CBFA2T3: variants seen among roughly 807,000 people sequenced by gnomAD.
CBFA2T3 encodes CBFA2/RUNX1 partner transcriptional co-repressor 3.
A neutral mutation model predicts 58.6 loss-of-function variants in CBFA2T3; 31 were observed. That is an observed-to-expected ratio of 0.53 (90% CI 0.40 to 0.71). The LOEUF (loss-of-function observed/expected upper bound fraction) is 0.71, where lower values mean the gene tolerates loss of function less well. Ranked by LOEUF, CBFA2T3 falls within the 30% of genes least tolerant of loss-of-function variation. The probability of loss-of-function intolerance (pLI) is 0.00; values close to 1 mark genes in which losing one functional copy is unlikely to be tolerated. For missense variants in CBFA2T3, 1,076 were observed against 963.1 expected (o/e 1.12, Z -1.55); for synonymous variants, 531 against 421.9 (o/e 1.26, Z -3.17).
intron 1 of CBFA2T3, chr16:88,941,000 G>T: frequency 1.0e-6 from 1 of 972,844 alleles, no homozygotes; most frequent in South Asian, 4.6e-5. Context: ...GGCGGCGCGC[G>T]GGGCGGACAC....
At chr16:88,921,344 G>A (rs1970912855) in intron 1 of CBFA2T3, among the ~76,000 whole-genome samples, 1 of 152,216 alleles carries the variant, frequency 6.6e-6, no homozygotes, top group East Asian at 1.9e-4. Context: ...GGCGGGGGGA[G>A]CAGGGAAGCC....
chr16:88,976,430 G>A (rs894224657), intron 1 of CBFA2T3, among the ~76,000 whole-genome samples: 1 of 152,176 alleles, frequency 6.6e-6, no homozygotes, highest in African/African-American at 2.4e-5. Context: ...GTGGGGCTGG[G>A]GCACCTGGCT....
At chr16:88,946,882 G>T (rs1371301820) in intron 1 of CBFA2T3, among the ~76,000 whole-genome samples, 1 of 152,102 alleles carries the variant, frequency 6.6e-6, no homozygotes, top group Non-Finnish European at 1.5e-5. Flanking sequence ...GACCTCCCAG[G>T]CTCAAGCGAT....
intron 1 of CBFA2T3, among the ~76,000 whole-genome samples, chr16:88,930,434 T>G (rs976118552): frequency 6.6e-6 from 1 of 151,702 alleles, no homozygotes; most frequent in Non-Finnish European, 1.5e-5. Flanking sequence ...ATAACAACAA[T>G]GGGGGCAACA....
At chr16:88,892,137 C>A in intron 4 of CBFA2T3, 107 bp downstream of exon 4, 1 of 1,456,048 alleles carries the variant, frequency 6.9e-7, no homozygotes, top group Admixed American at 1.8e-5. Flanking sequence ...CGGGTCCACG[C>A]CCGGTTGTCA....
chr16:88,952,297 G>A (rs549736300), intron 1 of CBFA2T3, among the ~76,000 whole-genome samples: 1 of 152,346 alleles, frequency 6.6e-6, no homozygotes, highest in Non-Finnish European at 1.5e-5. Flanking sequence ...GCCACGGGGT[G>A]AGGGAGCTGC....
intron 1 of CBFA2T3, among the ~76,000 whole-genome samples, chr16:88,956,188 C>T (rs1172343217): frequency 6.6e-6 from 1 of 152,262 alleles, no homozygotes; most frequent in East Asian, 1.9e-4. Flanking sequence ...GGCCCCAGCC[C>T]GAGGCCATGT....
chr16:88,914,323 C>T (rs1416544998), intron 1 of CBFA2T3, among the ~76,000 whole-genome samples: 4 of 152,190 alleles, frequency 2.6e-5, no homozygotes, highest in Non-Finnish European at 5.9e-5. Flanking sequence ...GGTCGGAAAA[C>T]GTTTGTCAGG....
chr16:88,931,634 G>A (rs1971307988), intron 1 of CBFA2T3, among the ~76,000 whole-genome samples: 1 of 150,592 alleles, frequency 6.6e-6, no homozygotes, highest in Non-Finnish European at 1.5e-5. Flanking sequence ...GGACGAGCCA[G>A]AGGTGGAGAA....
rs542110295 is a variant in CBFA2T3, at chr16:88,973,772, T to TGGCC, written c.151+2884_151+2885insGGCC. ...AAGGTCGGGTAGAGGGAGCCCAGGC[T>TGGCC]GACCGCAGGCTCTGGACGTGACCCC... On this transcript the variant is annotated intron_variant, in intron 1 of 11. Coordinates refer to ENST00000268679, the MANE Select transcript of CBFA2T3 (RefSeq NM_005187.6). 9.2e-5 allele frequency among the ~76,000 whole-genome samples: 14 copies of TGGCC among 152,284 alleles called. No homozygotes were observed. In the South Asian group the frequency reaches 2.9e-3, roughly 32 times the overall value.
intron 1 of CBFA2T3, among the ~76,000 whole-genome samples, chr16:88,903,242 C>T (rs1182951216): frequency 1.3e-5 from 2 of 152,242 alleles, no homozygotes; most frequent in Middle Eastern, 3.2e-3. Context: ...TGCTGATCCT[C>T]TTGCCGCCGG....
At chr16:88,906,224 A>G (rs1012186599) in intron 1 of CBFA2T3, among the ~76,000 whole-genome samples, 5 of 152,128 alleles carry the variant, frequency 3.3e-5, no homozygotes, top group African/African-American at 1.2e-4. Flanking sequence ...AGACACCGCT[A>G]GACAGGGGCA....
chr16:88,880,505 G>A (rs537353017), intron 10 of CBFA2T3, among the ~76,000 whole-genome samples: 2 of 152,338 alleles, frequency 1.3e-5, no homozygotes, highest in Admixed American at 6.5e-5. Context: ...GGCGGCCACC[G>A]GTCCGTTTCC....
intron 1 of CBFA2T3, among the ~76,000 whole-genome samples, chr16:88,925,579 CA>C (rs1160144609): frequency 6.6e-6 from 1 of 152,206 alleles, no homozygotes; most frequent in Non-Finnish European, 1.5e-5. Flanking sequence ...TTTGCAGTGG[CA>C]GACACAGGCT....
chr16:88,949,110 G>A (rs904416911), intron 1 of CBFA2T3, among the ~76,000 whole-genome samples: 3 of 152,194 alleles, frequency 2.0e-5, no homozygotes, highest in African/African-American at 7.2e-5. Context: ...AACAGTGAAA[G>A]GATTAGGAGA....
chr16:88,890,593 C>T lies in CBFA2T3; in HGVS notation c.711+1289G>A, dbSNP rs971375110. Among the ~76,000 whole-genome samples the T allele has an allele frequency of 3.3e-5, 5 of 152,204 alleles. No homozygotes were observed. In the South Asian group the frequency reaches 6.2e-4, roughly 19 times the overall value. On this transcript the variant is annotated intron_variant, in intron 5 of 11. Coordinates refer to ENST00000268679, the MANE Select transcript of CBFA2T3 (RefSeq NM_005187.6). Reference sequence around the variant, plus strand: ...TCAGCTCCTGCTAGAGATGTGCAGCCGTCTTGGGGAAATGGAGACCCGCAG... The same window carrying T: ...TCAGCTCCTGCTAGAGATGTGCAGCTGTCTTGGGGAAATGGAGACCCGCAG...
intron 1 of CBFA2T3, among the ~76,000 whole-genome samples, chr16:88,912,274 G>C (rs1302403828): frequency 6.6e-6 from 1 of 152,248 alleles, no homozygotes; most frequent in African/African-American, 2.4e-5. Context: ...GCTGCACCCT[G>C]CAAGTGAACC....
At chr16:88,918,297 G>C (rs1474504109) in intron 1 of CBFA2T3, among the ~76,000 whole-genome samples, 1 of 152,254 alleles carries the variant, frequency 6.6e-6, no homozygotes, top group South Asian at 2.1e-4. Context: ...TGCAGGCCGG[G>C]GGTGAAGGGA....
chr16:88,930,549 G>C (rs1345809575), intron 1 of CBFA2T3, among the ~76,000 whole-genome samples: 2 of 151,670 alleles, frequency 1.3e-5, no homozygotes, highest in Non-Finnish European at 2.9e-5. Flanking sequence ...AGTGCGGGGA[G>C]CCACGAAGGC....
Sources: allele counts gnomAD v4.1 joint callset (sites outside exome capture counted in the v4.1 genomes callset), GRCh38; gene constraint gnomAD v4.1.1; transcripts MANE v1.5; gene names NCBI Gene and HGNC (gene_info 2026-07-23, HGNC 2026-07-21).